NTM: variants seen among roughly 807,000 people sequenced by gnomAD.
The protein encoded by NTM is IgLON family member 2.
NTM carries 13 observed loss-of-function variants against 42.1 expected under a neutral mutation model. That is an observed-to-expected ratio of 0.31 (90% CI 0.20 to 0.49). The LOEUF is 0.49. NTM is among the 20% of genes least tolerant of loss of function. The pLI, the probability that NTM is intolerant of heterozygous loss-of-function variation, is 0.99. For missense variants in NTM, 373 were observed against 452.8 expected (o/e 0.82, Z 1.60); for synonymous variants, 187 against 179.2 (o/e 1.04, Z -0.35).
At chr11:131,994,579 GGGAAGCA>G (rs1217021590) in intron 2 of NTM, among the ~76,000 whole-genome samples, 5 of 152,132 alleles carry the variant, frequency 3.3e-5, no homozygotes, top group Non-Finnish European at 7.3e-5. Context: ...ATTTTGTTGA[GGGAAGCA>G]ACTTCTTGTC....
At chr11:131,479,693 G>A (rs535227816) in intron 1 of NTM, among the ~76,000 whole-genome samples, 4 of 152,232 alleles carry the variant, frequency 2.6e-5, no homozygotes, top group South Asian at 2.1e-4. Context: ...AGAAAGGGAC[G>A]ATGAGGAAAT....
chr11:131,443,036 A>C (rs774348365), intron 1 of NTM, among the ~76,000 whole-genome samples: 2 of 152,112 alleles, frequency 1.3e-5, no homozygotes, highest in Non-Finnish European at 2.9e-5. Flanking sequence ...TTCTATTTTT[A>C]GTTCTTTGAG....
intron 1 of NTM, among the ~76,000 whole-genome samples, chr11:131,491,960 A>G (rs982607684): frequency 6.6e-6 from 1 of 152,220 alleles, no homozygotes; most frequent in African/African-American, 2.4e-5. Flanking sequence ...CTTTATATGT[A>G]TTAACGCATA....
chr11:132,096,295 G>A (rs2060976511), intron 2 of NTM, among the ~76,000 whole-genome samples: 1 of 152,162 alleles, frequency 6.6e-6, no homozygotes, highest in Non-Finnish European at 1.5e-5. Flanking sequence ...GTCTTGAAAT[G>A]TCAGGGAAAG....
chr11:131,749,317 A>C (rs1329107263), intron 1 of NTM, among the ~76,000 whole-genome samples: 1 of 152,216 alleles, frequency 6.6e-6, no homozygotes, highest in Non-Finnish European at 1.5e-5. Flanking sequence ...TAAGGGAATG[A>C]TACAGATATC....
At chr11:131,828,799 C>T (rs533903223) in intron 1 of NTM, among the ~76,000 whole-genome samples, 49 of 152,238 alleles carry the variant, frequency 3.2e-4, no homozygotes, top group African/African-American at 1.2e-3. Context: ...TCTATTCTAC[C>T]TTCCAAGTAT....
At chr11:132,213,826 C>T (rs1366272153) in intron 4 of NTM, among the ~76,000 whole-genome samples, 1 of 65,654 alleles carries the variant, frequency 1.5e-5, no homozygotes, top group African/African-American at 4.6e-5. Flanking sequence ...GCTCCGCCTC[C>T]CGGGTTCACG....
At chr11:132,114,116 G>A (rs1449610783) in intron 2 of NTM, among the ~76,000 whole-genome samples, 5 of 152,066 alleles carry the variant, frequency 3.3e-5, no homozygotes, top group South Asian at 2.1e-4. Context: ...ATTTCTATTC[G>A]GATGCAAGCT....
At chr11:131,969,794 T>A (rs1390858208) in intron 2 of NTM, among the ~76,000 whole-genome samples, 1 of 152,228 alleles carries the variant, frequency 6.6e-6, no homozygotes, top group African/African-American at 2.4e-5. Flanking sequence ...CATTTTAGTA[T>A]AAAGAAAGAG....
chr11:131,778,331 G>A (rs1193443626), intron 1 of NTM, among the ~76,000 whole-genome samples: 1 of 152,196 alleles, frequency 6.6e-6, no homozygotes, highest in African/African-American at 2.4e-5. Flanking sequence ...TAATTCAAAA[G>A]CCATCAACTA....
At chr11:131,982,208 C>T (rs2134931154) in intron 2 of NTM, among the ~76,000 whole-genome samples, 1 of 152,190 alleles carries the variant, frequency 6.6e-6, no homozygotes, top group East Asian at 1.9e-4. Flanking sequence ...GGCAGCAACA[C>T]ACTGTTCTCA....
At chr11:131,616,096 C>A (rs1415977635) in intron 1 of NTM, among the ~76,000 whole-genome samples, 1 of 152,240 alleles carries the variant, frequency 6.6e-6, no homozygotes, top group Non-Finnish European at 1.5e-5. Flanking sequence ...GCTGATGCCT[C>A]TGTTCCTGCA....
At chr11:131,862,461 T>C (rs1009857638) in intron 1 of NTM, among the ~76,000 whole-genome samples, 1 of 152,240 alleles carries the variant, frequency 6.6e-6, no homozygotes, top group Non-Finnish European at 1.5e-5. Context: ...CATTTCTTCA[T>C]TCTGCATATT....
chr11:131,584,677 G>A (rs1004608317), intron 1 of NTM, among the ~76,000 whole-genome samples: 1 of 152,188 alleles, frequency 6.6e-6, no homozygotes, highest in Non-Finnish European at 1.5e-5. Context: ...CTGGGGTTTC[G>A]GCAAGATGCC....
chr11:131,645,871 C>T (rs2065715532), intron 1 of NTM, among the ~76,000 whole-genome samples: 1 of 152,196 alleles, frequency 6.6e-6, no homozygotes, highest in South Asian at 2.1e-4. Context: ...AAGATCCTAA[C>T]ATCACTCTAT....
At chr11:132,216,069 C>T (rs2083794194) in intron 4 of NTM, among the ~76,000 whole-genome samples, 1 of 152,242 alleles carries the variant, frequency 6.6e-6, no homozygotes, top group Non-Finnish European at 1.5e-5. Context: ...CCTTTGTCTA[C>T]ATCTAGACCT....
At chr11:131,969,017 G>A (rs1006440119) in intron 2 of NTM, among the ~76,000 whole-genome samples, 2 of 152,182 alleles carry the variant, frequency 1.3e-5, no homozygotes, top group Non-Finnish European at 2.9e-5. Flanking sequence ...GCAAATACAG[G>A]ACAGTAGCAG....
chr11:131,589,167 ATGTGTGTGTGTG>A (rs58237274), intron 1 of NTM, among the ~76,000 whole-genome samples: 5 of 143,602 alleles, frequency 3.5e-5, no homozygotes, highest in East Asian at 2.0e-4. Flanking sequence ...ACCTGGAAAA[ATGTGTGTGTGTG>A]TGTGTGTGTG....
chr11:131,717,576 G>A (rs933931230), intron 1 of NTM, among the ~76,000 whole-genome samples: 2 of 152,124 alleles, frequency 1.3e-5, no homozygotes. Flanking sequence ...AGAATTTCTT[G>A]TCTTGTAACA....
Sources: allele counts gnomAD v4.1 joint callset (sites outside exome capture counted in the v4.1 genomes callset), GRCh38; gene constraint gnomAD v4.1.1; transcripts MANE v1.5; gene names NCBI Gene and HGNC (gene_info 2026-07-23, HGNC 2026-07-21).